The following AOAH variants were observed in gnomAD, a reference collection of about 807,000 sequenced individuals.
AOAH encodes acyloxyacyl hydrolase (neutrophil).
Under a neutral mutation model 92.2 loss-of-function variants are expected in AOAH, and 64 were observed. That is an observed-to-expected ratio of 0.69 (90% CI 0.57 to 0.86). The LOEUF (loss-of-function observed/expected upper bound fraction) is 0.86, where lower values mean the gene tolerates loss of function less well. Among genes scored for constraint, AOAH ranks in the 40% least tolerant of loss-of-function variants. The probability of loss-of-function intolerance (pLI) is 0.00; values close to 1 mark genes in which losing one functional copy is unlikely to be tolerated. For missense variants in AOAH, 656 were observed against 694.6 expected (o/e 0.94, Z 0.62); for synonymous variants, 263 against 254.5 (o/e 1.03, Z -0.32).
At chr7:36,588,527 C>T (rs77470528) in intron 12 of AOAH, among the ~76,000 whole-genome samples, 12,466 of 152,198 alleles carry the variant, frequency 0.082, 589 homozygotes, top group South Asian at 0.14. Flanking sequence ...ATGTAATTTG[C>T]GAATAATGGA....
intron 4 of AOAH, among the ~76,000 whole-genome samples, chr7:36,645,462 A>T (rs1378297330): frequency 6.6e-6 from 1 of 152,248 alleles, no homozygotes; most frequent in Admixed American, 6.5e-5. Flanking sequence ...CAGGCAGATC[A>T]GAAAGAGCCA....
At chr7:36,517,693 C>T (rs1388286399) in intron 20 of AOAH, among the ~76,000 whole-genome samples, 1 of 150,366 alleles carries the variant, frequency 6.7e-6, no homozygotes, top group Non-Finnish European at 1.5e-5. Context: ...CTCCACCTCC[C>T]AGGTTCAAGT....
At chr7:36,611,736 A>G (rs1040611241) in intron 11 of AOAH, among the ~76,000 whole-genome samples, 7 of 152,166 alleles carry the variant, frequency 4.6e-5, no homozygotes, top group African/African-American at 1.7e-4. Flanking sequence ...CTCATTAACG[A>G]TCACCACTGC....
chr7:36,631,988 G>A (rs748535197), intron 6 of AOAH, 48 bp downstream of exon 6: 1 of 1,435,766 alleles, frequency 7.0e-7, no homozygotes, highest in Admixed American at 1.9e-5. Flanking sequence ...GACAAGCAAA[G>A]ACGTTATTAC....
At chr7:36,677,918 A>G (rs867693998) in intron 2 of AOAH, among the ~76,000 whole-genome samples, 2 of 152,202 alleles carry the variant, frequency 1.3e-5, no homozygotes, top group Non-Finnish European at 2.9e-5. Flanking sequence ...AGACACAGAA[A>G]GTAGATTAGT....
intron 6 of AOAH, among the ~76,000 whole-genome samples, chr7:36,628,063 C>T (rs1176084595): frequency 6.6e-6 from 1 of 151,936 alleles, no homozygotes; most frequent in South Asian, 2.1e-4. Flanking sequence ...AACAGAGAAG[C>T]CATGGAAGGG....
In AOAH at chr7:36,694,574, T is replaced by TA. The variant is rs559488993; in HGVS notation, c.128-7781dup. Among the ~76,000 whole-genome samples the TA allele has an allele frequency of 6.0e-4, 91 of 152,174 alleles. 1 individual carries two copies. In the South Asian group the frequency reaches 0.018, roughly 31 times the overall value. On this transcript the variant is annotated intron_variant, in intron 1 of 20. Coordinates refer to ENST00000617537, the MANE Select transcript of AOAH (RefSeq NM_001637.4). ...ATACACTTTTGTCTATACTATATTT[T>TA]AAAAAAAATCCTTTATCTTAAGGTG... is the stretch of plus-strand genomic sequence containing the variant.
intron 3 of AOAH, among the ~76,000 whole-genome samples, chr7:36,669,396 T>A (rs796876264): frequency 6.9e-5 from 10 of 144,622 alleles, no homozygotes; most frequent in African/African-American, 2.1e-4. Context: ...TTTTTTTTTT[T>A]AATTTAAATG....
chr7:36,530,596 C>T (rs1336245935), intron 18 of AOAH, 82 bp from the exon 19 acceptor site: 8 of 879,328 alleles, frequency 9.1e-6, no homozygotes, highest in African/African-American at 1.7e-5. Flanking sequence ...ACAAAGAAAT[C>T]GATCTTCCCC....
chr7:36,590,290 C>A (rs1789653228), intron 12 of AOAH, among the ~76,000 whole-genome samples: 1 of 152,060 alleles, frequency 6.6e-6, no homozygotes, highest in South Asian at 2.1e-4. Flanking sequence ...TTGCCAAGCT[C>A]TTAACCCCCA....
At chr7:36,520,009 T>G (rs918958655) in intron 20 of AOAH, among the ~76,000 whole-genome samples, 1 of 152,254 alleles carries the variant, frequency 6.6e-6, no homozygotes, top group Non-Finnish European at 1.5e-5. Context: ...ATAGGCAGGC[T>G]TTAGGCCTGG....
intron 1 of AOAH, among the ~76,000 whole-genome samples, chr7:36,710,139 C>A (rs1368487534): frequency 6.6e-6 from 1 of 152,172 alleles, no homozygotes; most frequent in African/African-American, 2.4e-5. Context: ...AGGGCAGAAC[C>A]TGTGAAAATG....
At chr7:36,520,914 G>A (rs2115813552) in intron 20 of AOAH, among the ~76,000 whole-genome samples, 1 of 152,302 alleles carries the variant, frequency 6.6e-6, no homozygotes, top group South Asian at 2.1e-4. Flanking sequence ...TTAAATCCGT[G>A]AGGTGGGCAT....
intron 6 of AOAH, among the ~76,000 whole-genome samples, chr7:36,625,250 G>C (rs886430546): frequency 1.3e-5 from 2 of 152,198 alleles, no homozygotes; most frequent in Non-Finnish European, 2.9e-5. Context: ...TTGAATTCAA[G>C]TGCTCTTGCC....
At chr7:36,541,769 A>G (rs1286725053) in intron 15 of AOAH, among the ~76,000 whole-genome samples, 1 of 152,248 alleles carries the variant, frequency 6.6e-6, no homozygotes, top group Non-Finnish European at 1.5e-5. Flanking sequence ...TGGCATTAAT[A>G]TAAGTTTATT....
In AOAH at chr7:36,591,989, C is replaced by T. The variant is rs146684785; in HGVS notation, c.938+2350G>A. 1.1e-4 allele frequency among the ~76,000 whole-genome samples: 17 copies of T among 152,188 alleles called. 1 individual carries two copies. The highest frequency in any genetic ancestry group is 2.9e-4 in the African/African-American group (12 of 41,530). Reference sequence around the variant, plus strand: ...CTACTTGGAAATTAATTTTAAATATCGGATCGGTATTTCTTTTATGGCAAC... The same window carrying T: ...CTACTTGGAAATTAATTTTAAATATTGGATCGGTATTTCTTTTATGGCAAC... On this transcript the variant is annotated intron_variant, in intron 12 of 20. Coordinates refer to ENST00000617537, the MANE Select transcript of AOAH (RefSeq NM_001637.4).
At chr7:36,709,246 T>C (rs1333233444) in intron 1 of AOAH, among the ~76,000 whole-genome samples, 1 of 152,142 alleles carries the variant, frequency 6.6e-6, no homozygotes, top group Non-Finnish European at 1.5e-5. Context: ...AGGAGAGCCA[T>C]GGATCTTTAC....
At chr7:36,528,680 C>CA (rs1163187209) in intron 19 of AOAH, among the ~76,000 whole-genome samples, 1 of 152,182 alleles carries the variant, frequency 6.6e-6, no homozygotes, top group African/African-American at 2.4e-5. Context: ...ACTGCAGCCT[C>CA]AACCACCCAG....
chr7:36,524,074 A>G (rs3801297), intron 19 of AOAH, among the ~76,000 whole-genome samples: 1 of 151,992 alleles, frequency 6.6e-6, no homozygotes, highest in South Asian at 2.1e-4. Flanking sequence ...CATCATCTCC[A>G]TTCTACTTGT....
Sources: allele counts gnomAD v4.1 joint callset (sites outside exome capture counted in the v4.1 genomes callset), GRCh38; gene constraint gnomAD v4.1.1; transcripts MANE v1.5; gene names NCBI Gene and HGNC (gene_info 2026-07-23, HGNC 2026-07-21).